PIP5K1B: variants seen among roughly 807,000 people sequenced by gnomAD.
The protein encoded by PIP5K1B is phosphatidylinositol 4-phosphate 5-kinase type-1 beta.
A neutral mutation model predicts 67.0 loss-of-function variants in PIP5K1B; 42 were observed. The ratio of observed to expected loss-of-function variants is 0.63; its 90% CI spans 0.49 to 0.81. The LOEUF is 0.81. Ranked by LOEUF, PIP5K1B falls within the 30% of genes least tolerant of loss-of-function variation. The pLI, the probability that PIP5K1B is intolerant of heterozygous loss-of-function variation, is 0.00. For synonymous variants in PIP5K1B, 214 were observed against 231.4 expected (o/e 0.92, Z 0.68); for missense variants, 459 against 646.3 (o/e 0.71, Z 3.14).
chr9:68,827,047 C>T (rs1055428278), intron 4 of PIP5K1B, among the ~76,000 whole-genome samples: 4 of 152,154 alleles, frequency 2.6e-5, no homozygotes, highest in Admixed American at 6.5e-5. Context: ...CCACTGGGCC[C>T]GGCCAAAAAT....
chr9:68,784,271 A>G (rs1258418997), intron 2 of PIP5K1B: 1 of 167,004 alleles, frequency 6.0e-6, no homozygotes, highest in Non-Finnish European at 1.5e-5. Context: ...AGTATTGCTA[A>G]TCTATAAACT....
chr9:68,854,127 CTTT>C (rs36079285), intron 4 of PIP5K1B, among the ~76,000 whole-genome samples: 163 of 106,968 alleles, frequency 1.5e-3, no homozygotes, highest in African/African-American at 4.4e-3. Flanking sequence ...AAACAGAAAA[CTTT>C]TTTTTTTTTT....
chr9:68,930,035 G>T (rs147308301), intron 12 of PIP5K1B, among the ~76,000 whole-genome samples: 1 of 152,160 alleles, frequency 6.6e-6, no homozygotes, highest in Non-Finnish European at 1.5e-5. Context: ...GTGAAATAAC[G>T]CTCTTCGCTT....
chr9:68,782,831 T>C (rs2017), intron 2 of PIP5K1B: 101,238 of 167,002 alleles, frequency 0.61, 31,160 homozygotes, highest in Admixed American at 0.7. Flanking sequence ...CAGGAATTGT[T>C]AATCTTCTCA....
intron 14 of PIP5K1B, among the ~76,000 whole-genome samples, chr9:68,960,839 T>G (rs1398403548): frequency 2.0e-5 from 3 of 152,250 alleles, no homozygotes; most frequent in African/African-American, 7.2e-5. Context: ...GTTAGCTTTT[T>G]TCGATATTTT....
chr9:68,786,973 C>G (rs1395420107), intron 2 of PIP5K1B, among the ~76,000 whole-genome samples: 1 of 152,190 alleles, frequency 6.6e-6, no homozygotes, highest in Non-Finnish European at 1.5e-5. Flanking sequence ...TGAGATCACT[C>G]ACAGCCATGT....
chr9:68,991,250 T>A lies in PIP5K1B; in HGVS notation c.1613T>A (p.Val538Asp). ...VQDDNASVLD[V>D]YL ...GATGACAATGCTTCTGTGCTTGACG[T>A]CTATTTAGTAAGTAATTTTTTAGTT... is the stretch of plus-strand genomic sequence containing the variant. Residue 538 changes from valine (V) to aspartate (D), a missense_variant, in exon 15 of 16, where the codon GTC becomes GAC. Val to Asp is a radical substitution (Grantham distance 152). Around this residue, in one of 2 missense-constraint regions of PIP5K1B, gnomAD observed 169 missense variants for 171.9 expected, o/e 0.98. Coordinates refer to ENST00000265382, the MANE Select transcript of PIP5K1B (RefSeq NM_003558.4). The A allele has an allele frequency of 6.3e-7, 1 of 1,579,574 alleles. No homozygotes were observed. Among genetic ancestry groups the A allele is most frequent in the Non-Finnish European group, 8.7e-7 (1 of 1,148,444 alleles).
At chr9:68,857,545 C>T (rs1822840396) in intron 4 of PIP5K1B, among the ~76,000 whole-genome samples, 1 of 152,122 alleles carries the variant, frequency 6.6e-6, no homozygotes, top group African/African-American at 2.4e-5. Flanking sequence ...GGAGGGAGAA[C>T]CTGGAGCTGG....
At chr9:68,815,505 T>C (rs866996973) in intron 2 of PIP5K1B, among the ~76,000 whole-genome samples, 6 of 152,026 alleles carry the variant, frequency 3.9e-5, no homozygotes, top group Admixed American at 1.3e-4. Flanking sequence ...AGGATTAAAA[T>C]AAGTCAATAA....
At chr9:68,863,616 A>G (rs138434439) in intron 4 of PIP5K1B, among the ~76,000 whole-genome samples, 3 of 152,258 alleles carry the variant, frequency 2.0e-5, no homozygotes, top group African/African-American at 4.8e-5. Flanking sequence ...AAATTAAATT[A>G]TAAGAAACAT....
intron 1 of PIP5K1B, among the ~76,000 whole-genome samples, chr9:68,715,233 G>C (rs1827577785): frequency 6.6e-6 from 1 of 152,210 alleles, no homozygotes; most frequent in African/African-American, 2.4e-5. Context: ...GGGGCCTGGG[G>C]CTGGGGGTGC....
chr9:69,000,264 C>T (rs1264616152), intron 15 of PIP5K1B, among the ~76,000 whole-genome samples: 3 of 152,142 alleles, frequency 2.0e-5, no homozygotes, highest in Non-Finnish European at 4.4e-5. Context: ...CTTCGGTCTT[C>T]CACAGGTCCT....
At chr9:68,832,072 T>C (rs1258568987) in intron 4 of PIP5K1B, among the ~76,000 whole-genome samples, 1 of 152,248 alleles carries the variant, frequency 6.6e-6, no homozygotes, top group Non-Finnish European at 1.5e-5. Flanking sequence ...GAATCTGAAC[T>C]GTAGCCTCAA....
intron 2 of PIP5K1B, among the ~76,000 whole-genome samples, chr9:68,748,687 T>C (rs1174043498): frequency 6.8e-6 from 1 of 147,174 alleles, no homozygotes; most frequent in East Asian, 2.0e-4. Context: ...AATGGCACCA[T>C]CTTGGCTCAC....
At chr9:68,736,889 C>G (rs1222534071) in intron 1 of PIP5K1B, among the ~76,000 whole-genome samples, 1 of 152,162 alleles carries the variant, frequency 6.6e-6, no homozygotes, top group African/African-American at 2.4e-5. Context: ...ATGTGGACAT[C>G]TTTGGGGACA....
intron 2 of PIP5K1B, among the ~76,000 whole-genome samples, chr9:68,765,983 G>A (rs1025910394): frequency 2.0e-5 from 3 of 152,178 alleles, no homozygotes; most frequent in Non-Finnish European, 4.4e-5. Context: ...TGATATTCAT[G>A]ATAGCATTGT....
intron 1 of PIP5K1B, among the ~76,000 whole-genome samples, chr9:68,723,882 T>C (rs1336991737): frequency 6.6e-6 from 1 of 152,050 alleles, no homozygotes; most frequent in African/African-American, 2.4e-5. Context: ...TGCAATCTCA[T>C]TTGTCTATTA....
At chr9:68,970,486 C>G (rs555961278) in intron 14 of PIP5K1B, among the ~76,000 whole-genome samples, 1 of 152,282 alleles carries the variant, frequency 6.6e-6, no homozygotes, top group South Asian at 2.1e-4. Context: ...TAATCTTTCC[C>G]ACAATATGTG....
At chr9:68,813,347 G>A (rs140904516) in intron 2 of PIP5K1B, among the ~76,000 whole-genome samples, 15 of 152,344 alleles carry the variant, frequency 9.8e-5, no homozygotes, top group African/African-American at 3.4e-4. Flanking sequence ...TCTTAAAGTG[G>A]AAGAGACGTG....
Sources: allele counts gnomAD v4.1 joint callset (sites outside exome capture counted in the v4.1 genomes callset), GRCh38; gene constraint gnomAD v4.1.1; regional missense constraint gnomAD v4.1.1; transcripts MANE v1.5; gene names NCBI Gene and HGNC (gene_info 2026-07-23, HGNC 2026-07-21).